Variants in PALM observed in about 807,000 individuals in gnomAD.
The protein encoded by PALM is paralemmin-1.
A neutral mutation model predicts 30.7 loss-of-function variants in PALM; 18 were observed. The ratio of observed to expected loss-of-function variants is 0.59; its 90% CI spans 0.41 to 0.87. The LOEUF (loss-of-function observed/expected upper bound fraction) is 0.87, where lower values mean the gene tolerates loss of function less well. PALM is among the 40% of genes least tolerant of loss of function. The probability of loss-of-function intolerance (pLI) is 0.00; values close to 1 mark genes in which losing one functional copy is unlikely to be tolerated. For missense variants in PALM, 529 were observed against 555.4 expected (o/e 0.95, Z 0.48); for synonymous variants, 286 against 242.8 (o/e 1.18, Z -1.66).
At chr19:719,303 G>C (rs1190965829) in intron 1 of PALM, 1 of 985,046 alleles carries the variant, frequency 1.0e-6, no homozygotes, top group Non-Finnish European at 1.2e-6. Context: ...CCCGCACCGC[G>C]GAGGCCTCTG....
chr19:728,771 A>G (rs2032774871), intron 4 of PALM, among the ~76,000 whole-genome samples: 1 of 152,106 alleles, frequency 6.6e-6, no homozygotes, highest in Non-Finnish European at 1.5e-5. Flanking sequence ...TGGGAGACCG[A>G]GGTGGGTGAA....
At chr19:713,607 G>A (rs1056695717) in intron 1 of PALM, among the ~76,000 whole-genome samples, 3 of 152,226 alleles carry the variant, frequency 2.0e-5, no homozygotes, top group African/African-American at 7.2e-5. Flanking sequence ...TTGAGACACA[G>A]TCTCGCTGTC....
At chr19:710,419 C>G (rs1371633569) in intron 1 of PALM, among the ~76,000 whole-genome samples, 1 of 152,202 alleles carries the variant, frequency 6.6e-6, no homozygotes, top group African/African-American at 2.4e-5. Flanking sequence ...ACACCCCCAC[C>G]CCCCAGCCTT....
chr19:717,640 G>A (rs1424197657), intron 1 of PALM, among the ~76,000 whole-genome samples: 2 of 152,006 alleles, frequency 1.3e-5, no homozygotes, highest in Non-Finnish European at 2.9e-5. Context: ...TGAGGAGTCC[G>A]GGTCCTACTT....
intron 1 of PALM, among the ~76,000 whole-genome samples, chr19:721,451 A>G (rs772573152): frequency 2.0e-5 from 3 of 151,318 alleles, no homozygotes; most frequent in Non-Finnish European, 2.9e-5. Context: ...TTTTTAGTAG[A>G]GACTGGGTTT....
At position 734,203 on chromosome 19, in the gene PALM, T is replaced by C. The variant is rs1220597480; in HGVS notation, c.442+9T>C. The stretch of plus-strand genomic sequence containing the variant: ...GGTGGGCACGCCCAAAGGTAGGACC[T>C]CTGGAAGGAACTCGTGGGGCCTCGG... On this transcript the variant is annotated intron_variant, in intron 6 of 8. Coordinates refer to ENST00000338448, the MANE Select transcript of PALM (RefSeq NM_002579.3). 6.2e-7 allele frequency: 1 copy of C among 1,613,458 alleles called. No individual in the cohort carries two copies. The highest frequency in any genetic ancestry group is 8.5e-7 in the Non-Finnish European group (1 of 1,179,630).
At chr19:743,129 C>G (rs919490679) in intron 8 of PALM, among the ~76,000 whole-genome samples, 1 of 152,204 alleles carries the variant, frequency 6.6e-6, no homozygotes, top group African/African-American at 2.4e-5. Flanking sequence ...GCCTTCTGTT[C>G]TCAGAGGCAG....
At chr19:741,138 C>T (rs2033173994) in intron 8 of PALM, among the ~76,000 whole-genome samples, 1 of 151,988 alleles carries the variant, frequency 6.6e-6, no homozygotes, top group Non-Finnish European at 1.5e-5. Context: ...GACCCTGTCT[C>T]TTAAGAATAA....
chr19:710,962 A>T (rs926048661), intron 1 of PALM, among the ~76,000 whole-genome samples: 4 of 152,194 alleles, frequency 2.6e-5, no homozygotes, highest in Non-Finnish European at 5.9e-5. Context: ...TTCAGGCACG[A>T]AGGCCCCGTC....
At chr19:740,284 G>T in intron 7 of PALM, 68 bp from the exon 8 acceptor site, 1 of 1,469,172 alleles carries the variant, frequency 6.8e-7, no homozygotes, top group Non-Finnish European at 9.1e-7. Flanking sequence ...TCCCTGGCTT[G>T]GCCGCAGCCC....
rs181054276 is a variant in PALM at position 743,024 on chromosome 19, C to T, written c.634+2541C>T. ...GTTCCCACAGGTCGTGGATGAGGGC[C>T]CAGTTTCTCCACGTCCTCACCAGCG... On this transcript the variant is annotated intron_variant, in intron 8 of 8. Coordinates refer to ENST00000338448, the MANE Select transcript of PALM (RefSeq NM_002579.3). Among the ~76,000 whole-genome samples, 212 of 152,190 alleles carry T rather than the reference C, an allele frequency of 1.4e-3. 1 individual carries two copies. Among genetic ancestry groups the T allele is most frequent in the African/African-American group, 4.8e-3 (199 of 41,520 alleles).
At chr19:711,993 GTGCTC>G (rs2032094948) in intron 1 of PALM, among the ~76,000 whole-genome samples, 1 of 149,084 alleles carries the variant, frequency 6.7e-6, no homozygotes, top group Non-Finnish European at 1.5e-5. Context: ...CCTGTTTTGA[GTGCTC>G]TGTATGTGTG....
In PALM at chr19:718,514, C is replaced by G. The variant is rs192880577; in HGVS notation, c.6-7624C>G. Among the ~76,000 whole-genome samples, 670 of 152,286 alleles carry G rather than the reference C, an allele frequency of 4.4e-3. 4 individuals carry two copies. Among genetic ancestry groups the G allele is most frequent in the Admixed American group, 0.016 (243 of 15,298 alleles). ...AGGCCCCGTTCACGCCTCACTGCCC[C>G]GTCTTCCCCTGAGGGCCCGGGCAGG... On this transcript the variant is annotated intron_variant, in intron 1 of 8. Transcript: ENST00000338448.
chr19:726,527 A>C (rs992637113), intron 2 of PALM, among the ~76,000 whole-genome samples: 5 of 152,138 alleles, frequency 3.3e-5, no homozygotes, highest in Non-Finnish European at 7.4e-5. Context: ...CTCTGGCCCA[A>C]GAAGGCCCTC....
At chr19:727,448 C>T (rs79721592) in intron 3 of PALM, 116 bp from the exon 4 acceptor site, 2 of 796,420 alleles carry the variant, frequency 2.5e-6, no homozygotes, top group East Asian at 2.7e-5. Context: ...ATAACCCTGA[C>T]CCCAACCTTG....
intron 1 of PALM, among the ~76,000 whole-genome samples, chr19:722,094 G>A (rs1465047544): frequency 1.7e-4 from 25 of 148,776 alleles, no homozygotes; most frequent in East Asian, 9.9e-4. Context: ...AATTTTTTGT[G>A]TTTTTAGTAG....
chr19:714,511 A>T (rs1463341924), intron 1 of PALM, among the ~76,000 whole-genome samples: 2 of 149,078 alleles, frequency 1.3e-5, no homozygotes, highest in Non-Finnish European at 3.0e-5. Flanking sequence ...GGCGCCCGCC[A>T]CCACGCCCGG....
At chr19:738,161 CG>C (rs1485484288) in intron 7 of PALM, among the ~76,000 whole-genome samples, 4 of 151,850 alleles carry the variant, frequency 2.6e-5, no homozygotes, top group Non-Finnish European at 5.9e-5. Context: ...GAGGCCAAGG[CG>C]GGCAGATCAT....
At chr19:722,955 G>C (rs1040227247) in intron 1 of PALM, 2 of 152,348 alleles carry the variant, frequency 1.3e-5, no homozygotes, top group Non-Finnish European at 2.9e-5. Flanking sequence ...GTCACCTCTG[G>C]GGCATGGGAG....
Sources: allele counts gnomAD v4.1 joint callset (sites outside exome capture counted in the v4.1 genomes callset), GRCh38; gene constraint gnomAD v4.1.1; transcripts MANE v1.5; gene names NCBI Gene and HGNC (gene_info 2026-07-23, HGNC 2026-07-21).